The following CHD7 variants were observed in gnomAD, a reference collection of about 807,000 sequenced individuals.
The protein encoded by CHD7 is ATP-dependent chromatin remodeler CHD7.
In CHD7, 24 loss-of-function variants were observed where a neutral mutation model predicts 307.3. The observed-to-expected ratio is 0.08, with a 90% CI of 0.06 to 0.11. The LOEUF (loss-of-function observed/expected upper bound fraction) is 0.11. CHD7 is among the 10% of genes least tolerant of loss of function. The pLI is 1.00. For missense variants in CHD7, 3,106 were observed against 3,727.1 expected (o/e 0.83, Z 4.34); for synonymous variants, 1,363 against 1,349.9 (o/e 1.01, Z -0.21).
chr8:60,843,760 A>T (rs1433326333), intron 21 of CHD7, among the ~76,000 whole-genome samples: 1 of 152,226 alleles, frequency 6.6e-6, no homozygotes, highest in Non-Finnish European at 1.5e-5. Flanking sequence ...ACAGCTTGTG[A>T]CTTGGTGGAT....
intron 19 of CHD7, among the ~76,000 whole-genome samples, chr8:60,839,621 TTTTTAG>T (rs1349093764): frequency 6.6e-6 from 1 of 152,120 alleles, no homozygotes; most frequent in Non-Finnish European, 1.5e-5. Flanking sequence ...ATTATCTGAG[TTTTTAG>T]TTTTAGCCAT....
intron 1 of CHD7, among the ~76,000 whole-genome samples, chr8:60,735,677 T>C (rs1218306572): frequency 6.6e-6 from 1 of 152,228 alleles, no homozygotes; most frequent in Non-Finnish European, 1.5e-5. Context: ...AGGGTAGATA[T>C]GGACCTTTAA....
Position 60,846,960 on chromosome 8 carries a change from G to A in CHD7, c.5210+1551G>A, listed in dbSNP as rs530045859. Among the ~76,000 whole-genome samples, 15 of 152,270 alleles carry A rather than the reference G, an allele frequency of 9.9e-5. No individual in the cohort carries two copies. The East Asian group carries it at 2.7e-3, about 27-fold the overall frequency. On this transcript the variant is annotated intron_variant, in intron 23 of 37. Transcript: ENST00000423902. ...AGAACCATTACCTCCAACCCTTTTG[G>A]TATCTCAGAAACTTGGTGGTTACTG...
intron 7 of CHD7, among the ~76,000 whole-genome samples, chr8:60,815,234 C>T (rs1803672317): frequency 6.6e-6 from 1 of 152,104 alleles, no homozygotes; most frequent in Admixed American, 6.5e-5. Flanking sequence ...ATATCATAAG[C>T]ATTTCCTATA....
At position 60,830,185 on chromosome 8, in the gene CHD7, C is replaced by A. The variant is rs138508301; in HGVS notation, c.3523-137C>A. ...TCTTATGAAAGCTGAGAGATGAGCT[C>A]CTTCATACTCTCACTGGGCTTTGAA... On this transcript the variant is annotated intron_variant, in intron 14 of 37. Transcript: ENST00000423902. 105 of 835,432 alleles carry A rather than the reference C, an allele frequency of 1.3e-4. 1 individual carries two copies. The highest frequency in any genetic ancestry group is 1.2e-3 in the Admixed American group (42 of 34,724). The allele number at this position is 835,432 out of a possible 1,614,324, so 51.8% of individuals were successfully genotyped here. A position where few individuals can be genotyped will look rare whatever the true frequency, so the allele number is the denominator to read the frequency against.
chr8:60,746,835 A>T (rs927822689), intron 2 of CHD7, among the ~76,000 whole-genome samples: 1 of 152,240 alleles, frequency 6.6e-6, no homozygotes, highest in African/African-American at 2.4e-5. Flanking sequence ...CATTTCTTTA[A>T]TGGAAGTGCT....
intron 1 of CHD7, among the ~76,000 whole-genome samples, chr8:60,693,379 C>T (rs992285556): frequency 6.6e-6 from 1 of 152,220 alleles, no homozygotes; most frequent in East Asian, 1.9e-4. Flanking sequence ...CCCATTGCTC[C>T]TGCCGCTCAG....
At chr8:60,854,239 G>A (rs1805606776) in intron 31 of CHD7, 124 bp from the exon 32 acceptor site, 1 of 743,006 alleles carries the variant, frequency 1.3e-6, no homozygotes, top group Non-Finnish European at 2.2e-6. Context: ...TACCATTCTA[G>A]CCATGTAGTA....
At chr8:60,751,607 T>G (rs1415678455) in intron 2 of CHD7, among the ~76,000 whole-genome samples, 1 of 152,248 alleles carries the variant, frequency 6.6e-6, no homozygotes, top group African/African-American at 2.4e-5. Flanking sequence ...GCAGCTCTTG[T>G]ATCAGTGAAG....
chr8:60,780,638 CAACTT>C (rs1811167220), intron 2 of CHD7, among the ~76,000 whole-genome samples: 1 of 152,198 alleles, frequency 6.6e-6, no homozygotes, highest in African/African-American at 2.4e-5. Context: ...GGCTAGAACT[CAACTT>C]AGATGTATTC....
Position 60,862,307 on chromosome 8 carries a change from C to T in CHD7, c.7942C>T (p.Pro2648Ser). 1 of 1,605,658 alleles carries T rather than the reference C, an allele frequency of 6.2e-7. No individual in the cohort carries two copies. Among genetic ancestry groups the T allele is most frequent in the African/African-American group, 1.3e-5 (1 of 74,568 alleles). ...CACTTTGACAGGAGAAGAAAGGGTG[C>T]CTGTTGTCAATAAACGAAATGGGAA... Reference protein sequence around the residue: ...INTLTGEERVPVVNKRNGKKM... With the variant: ...INTLTGEERVSVVNKRNGKKM... Residue 2648 changes from proline to serine, a missense_variant, in exon 36 of 38, where the codon CCT becomes TCT. Coordinates refer to ENST00000423902, the MANE Select transcript of CHD7 (RefSeq NM_017780.4).
At chr8:60,797,773 T>C (rs1228150249) in intron 4 of CHD7, among the ~76,000 whole-genome samples, 1 of 152,248 alleles carries the variant, frequency 6.6e-6, no homozygotes, top group Non-Finnish European at 1.5e-5. Flanking sequence ...TGGCCTTTTA[T>C]ATCTTGAAGA....
At chr8:60,683,020 A>G (rs1213251687) in intron 1 of CHD7, among the ~76,000 whole-genome samples, 2 of 152,206 alleles carry the variant, frequency 1.3e-5, no homozygotes, top group African/African-American at 2.4e-5. Context: ...GATGTCAGCA[A>G]TATATTGGCT....
intron 1 of CHD7, among the ~76,000 whole-genome samples, chr8:60,690,482 TAAAA>T (rs1220991627): frequency 6.6e-6 from 1 of 151,882 alleles, no homozygotes; most frequent in Non-Finnish European, 1.5e-5. Context: ...TTAAAAAAAA[TAAAA>T]AAAATAAACA....
rs2129788799 is a variant in CHD7, at chr8:60,867,535, C to T, written c.*1602C>T. On this transcript the variant is annotated 3_prime_UTR_variant, in exon 38 of 38. Transcript: ENST00000423902. ...CTACTGTTTTCACCTTTTTATGTCACCTGAACCAACACAAAGCCATATTTC... is the reference window on the plus strand; with the variant it reads ...CTACTGTTTTCACCTTTTTATGTCATCTGAACCAACACAAAGCCATATTTC... The T allele has an allele frequency of 6.6e-6, 1 of 152,324 alleles. No homozygotes were observed. The highest frequency in any genetic ancestry group is 1.5e-5 in the Non-Finnish European group (1 of 68,018). The allele number at this position is 152,324 out of a possible 1,614,324, so 9.4% of individuals were successfully genotyped here.
intron 7 of CHD7, among the ~76,000 whole-genome samples, chr8:60,810,602 T>C (rs1812754296): frequency 6.6e-6 from 1 of 152,212 alleles, no homozygotes. Flanking sequence ...CTGGCTCTCT[T>C]ATTTTTTATG....
At position 60,845,303 on chromosome 8, in the gene CHD7, A is replaced by T; in HGVS notation, c.5104A>T (p.Ser1702Cys). Residue 1702 changes from serine to cysteine, a missense_variant, in exon 23 of 38, where the codon AGC becomes TGC. Ser to Cys is a moderately radical substitution (Grantham distance 112). Coordinates refer to ENST00000423902, the MANE Select transcript of CHD7 (RefSeq NM_017780.4). The part of the protein sequence containing the change: ...GRKGKKVKAQ[S>C]TQPVVQDADW... ...GAAGGGAAAGAAGGTGAAAGCCCAG[A>T]GCACACAGCCGGTGGTGCAGGATGC... 6.2e-7 allele frequency: 1 copy of T among 1,614,002 alleles called. No homozygotes were observed. The highest frequency in any genetic ancestry group is 8.5e-7 in the Non-Finnish European group (1 of 1,179,856).
Position 60,848,596 on chromosome 8 carries a change from T to G in CHD7, c.5292T>G (p.Ala1764=). The change falls in exon 24 of 38, where the codon GCT becomes GCG. Residue 1764 remains alanine, a synonymous_variant. Coordinates refer to ENST00000423902, the MANE Select transcript of CHD7 (RefSeq NM_017780.4). ...AGGCGGATAAGATCTTAGAGGGTGCTGACTCAAGGTTAGTGCGAGCTCACA... is the reference window on the plus strand; with the variant it reads ...AGGCGGATAAGATCTTAGAGGGTGCGGACTCAAGGTTAGTGCGAGCTCACA... The part of the protein sequence containing the change: ...GDQADKILEG[A]DSSEADVWIP... 1 of 1,612,752 alleles carries G rather than the reference T, an allele frequency of 6.2e-7. No individual in the cohort carries two copies. Among genetic ancestry groups the G allele is most frequent in the South Asian group, 1.1e-5 (1 of 90,798 alleles).
chr8:60,708,295 C>T (rs1807112806), intron 1 of CHD7, among the ~76,000 whole-genome samples: 1 of 152,186 alleles, frequency 6.6e-6, no homozygotes, highest in African/African-American at 2.4e-5. Context: ...GGAATACAAT[C>T]GCCATTTCAT....
Sources: allele counts gnomAD v4.1 joint callset (sites outside exome capture counted in the v4.1 genomes callset), GRCh38; gene constraint gnomAD v4.1.1; transcripts MANE v1.5; gene names NCBI Gene and HGNC (gene_info 2026-07-23, HGNC 2026-07-21).